ARHGEF10: variants seen among roughly 807,000 people sequenced by gnomAD.
ARHGEF10 encodes the protein Rho guanine nucleotide exchange factor (GEF) 10.
ARHGEF10 carries 140 observed loss-of-function variants against 147.4 expected under a neutral mutation model. That is an observed-to-expected ratio of 0.95 (90% CI 0.83 to 1.09). The LOEUF (loss-of-function observed/expected upper bound fraction) is 1.09, where lower values mean the gene tolerates loss of function less well. Ranked by LOEUF, ARHGEF10 falls within the 50% of genes least tolerant of loss-of-function variation. The probability of loss-of-function intolerance (pLI) is 0.00; values close to 1 mark genes in which losing one functional copy is unlikely to be tolerated. For missense variants in ARHGEF10, 2,222 were observed against 1,752.7 expected, an observed-to-expected ratio of 1.27 and a Z score of -4.78; for synonymous variants, 902 against 695.8, an observed-to-expected ratio of 1.30 and a Z score of -4.67.
chr8:1,878,992 G>A (rs758445758), intron 8 of ARHGEF10, among the ~76,000 whole-genome samples: 14 of 152,336 alleles, frequency 9.2e-5, no homozygotes, highest in East Asian at 3.9e-4. Flanking sequence ...CAGGGCGCCC[G>A]TGTGTTAGGC....
At chr8:1,828,822 C>G (rs980022971) in intron 1 of ARHGEF10, among the ~76,000 whole-genome samples, 1 of 152,060 alleles carries the variant, frequency 6.6e-6, no homozygotes, top group Admixed American at 6.5e-5. Context: ...TGCACACTTA[C>G]GGTTTTAAGG....
chr8:1,854,391 T>C (rs1307821480), intron 2 of ARHGEF10, among the ~76,000 whole-genome samples: 2 of 152,250 alleles, frequency 1.3e-5, no homozygotes, highest in African/African-American at 4.8e-5. Context: ...GGTGGTTACA[T>C]TGAGCACAAC....
intron 2 of ARHGEF10, among the ~76,000 whole-genome samples, chr8:1,851,130 A>G (rs1238130459): frequency 6.6e-6 from 1 of 151,974 alleles, no homozygotes; most frequent in Non-Finnish European, 1.5e-5. Context: ...GTCCAAACCC[A>G]TAGAAGGCAC....
chr8:1,830,479 A>G (rs373661875), intron 1 of ARHGEF10, among the ~76,000 whole-genome samples: 1 of 152,316 alleles, frequency 6.6e-6, no homozygotes, highest in East Asian at 1.9e-4. Context: ...TTTATACTTG[A>G]TTTAACTTCT....
intron 1 of ARHGEF10, among the ~76,000 whole-genome samples, chr8:1,836,357 C>G (rs746102348): frequency 6.6e-6 from 1 of 152,168 alleles, no homozygotes; most frequent in Non-Finnish European, 1.5e-5. Flanking sequence ...GTCTTCTGCT[C>G]TGCCCCCAGG....
At chr8:1,851,034 C>CG (rs1477856086) in intron 2 of ARHGEF10, among the ~76,000 whole-genome samples, 14 of 138,030 alleles carry the variant, frequency 1.0e-4, no homozygotes, top group Non-Finnish European at 1.2e-4. Flanking sequence ...TAGGGGTTTG[C>CG]GGGGGGGAGG....
chr8:1,882,388 C>T (rs573304848), intron 9 of ARHGEF10, among the ~76,000 whole-genome samples: 2 of 152,308 alleles, frequency 1.3e-5, no homozygotes, highest in South Asian at 4.1e-4. Flanking sequence ...GTGAGTGGAT[C>T]ACATATAATA....
At chr8:1,873,409 C>G (rs1304375331) in intron 7 of ARHGEF10, among the ~76,000 whole-genome samples, 3 of 150,844 alleles carry the variant, frequency 2.0e-5, no homozygotes, top group African/African-American at 5.0e-5. Flanking sequence ...TCACAGTGTG[C>G]TGGCATCAAG....
intron 1 of ARHGEF10, among the ~76,000 whole-genome samples, chr8:1,833,451 CA>C (rs1175738704): frequency 6.6e-6 from 1 of 151,882 alleles, no homozygotes; most frequent in African/African-American, 2.4e-5. Context: ...GGGGCAGAGA[CA>C]GGGGCAGAGG....
In ARHGEF10 at chr8:1,876,188, C is replaced by G. The variant is rs996316992; in HGVS notation, c.680-383C>G. 1.4e-4 allele frequency: 42 copies of G among 294,156 alleles called. 1 individual carries two copies. 18.2% of individuals were successfully genotyped at this position (294,156 alleles called of 1,614,324 possible). On this transcript the variant is annotated intron_variant, in intron 7 of 28. Coordinates refer to ENST00000349830, the MANE Select transcript of ARHGEF10 (RefSeq NM_014629.4). ...TGCCTATCATCTGTCCACCATTTCT[C>G]TCTGTCTAATTTTCAAAACATCCTG...
At chr8:1,836,749 C>G (rs1409788540) in intron 1 of ARHGEF10, among the ~76,000 whole-genome samples, 1 of 152,260 alleles carries the variant, frequency 6.6e-6, no homozygotes, top group South Asian at 2.1e-4. Context: ...CAAATCTCAA[C>G]TTGAATTGTA....
chr8:1,838,209 G>A (rs544637605), intron 1 of ARHGEF10, among the ~76,000 whole-genome samples: 18 of 152,338 alleles, frequency 1.2e-4, no homozygotes, highest in Admixed American at 3.3e-4. Flanking sequence ...CATCTCCAGC[G>A]ATCCTGATGC....
At chr8:1,860,249 A>C in intron 4 of ARHGEF10, 65 bp downstream of exon 4, 5 of 1,514,110 alleles carry the variant, frequency 3.3e-6, no homozygotes, top group South Asian at 1.1e-5. Context: ...CACGCCCCCG[A>C]AGTGGCCTGT....
At chr8:1,919,743 A>G (rs1430489356) in intron 18 of ARHGEF10, among the ~76,000 whole-genome samples, 1 of 139,594 alleles carries the variant, frequency 7.2e-6, no homozygotes, top group Non-Finnish European at 1.5e-5. Context: ...TCTGTGGGTG[A>G]TAAACTGTTC....
intron 18 of ARHGEF10, among the ~76,000 whole-genome samples, chr8:1,920,558 C>T (rs1434276204): frequency 1.3e-5 from 2 of 151,648 alleles, no homozygotes; most frequent in East Asian, 1.9e-4. Flanking sequence ...GAATTCTTGG[C>T]CTTTAGCAGT....
At chr8:1,865,879 C>G (rs73542446) in intron 5 of ARHGEF10, among the ~76,000 whole-genome samples, 2,795 of 152,306 alleles carry the variant, frequency 0.018, 112 homozygotes, top group East Asian at 0.14. Context: ...GGTGTCGGGA[C>G]GACTGATCCC....
chr8:1,901,232 C>G (rs3758015), intron 15 of ARHGEF10, among the ~76,000 whole-genome samples: 13 of 151,842 alleles, frequency 8.6e-5, no homozygotes, highest in Non-Finnish European at 1.8e-4. Context: ...TGCCTTCTGC[C>G]GTAGTCCGTG....
chr8:1,867,018 T>A (rs1806684685), intron 6 of ARHGEF10, among the ~76,000 whole-genome samples: 1 of 145,808 alleles, frequency 6.9e-6, no homozygotes, highest in Admixed American at 6.8e-5. Context: ...GGGCCTCCCT[T>A]TTTTTTTTTT....
intron 17 of ARHGEF10, among the ~76,000 whole-genome samples, chr8:1,908,494 A>C (rs192969351): frequency 6.6e-6 from 1 of 152,098 alleles, no homozygotes; most frequent in Non-Finnish European, 1.5e-5. Flanking sequence ...GGCCTCCCAA[A>C]GTGCTGGGAT....
Sources: gnomAD v4.1 joint callset for allele counts (sites outside exome capture counted in the v4.1 genomes callset) on GRCh38, gnomAD v4.1.1 for gene constraint, MANE v1.5 for transcripts, NCBI Gene and HGNC (gene_info 2026-07-23, HGNC 2026-07-21) for gene names.